Variants in KCNMB2 observed in about 807,000 individuals in gnomAD.
KCNMB2 encodes potassium calcium-activated channel subfamily M regulatory beta subunit 2.
KCNMB2 carries 9 observed loss-of-function variants against 24.5 expected under a neutral mutation model. That is an observed-to-expected ratio of 0.37 (90% CI 0.22 to 0.64). KCNMB2 has a LOEUF of 0.64. KCNMB2 is among the 30% of genes least tolerant of loss of function. The pLI is 0.63. For synonymous variants in KCNMB2, 109 were observed against 104.4 expected (o/e 1.04, Z -0.27); for missense variants, 226 against 284.3 (o/e 0.79, Z 1.47).
At chr3:178,617,756 T>C (rs968878727) in intron 1 of KCNMB2, among the ~76,000 whole-genome samples, 58 of 151,662 alleles carry the variant, frequency 3.8e-4, no homozygotes, top group African/African-American at 1.4e-3. Context: ...CTGAGTGTGG[T>C]GGTGGGTACC....
At chr3:178,544,381 T>C (rs917986835) in intron 1 of KCNMB2, among the ~76,000 whole-genome samples, 1 of 152,116 alleles carries the variant, frequency 6.6e-6, no homozygotes, top group Non-Finnish European at 1.5e-5. Context: ...CCTATTTTTC[T>C]AAAGCACATG....
chr3:178,723,830 C>A (rs766888481), intron 1 of KCNMB2, among the ~76,000 whole-genome samples: 2 of 152,100 alleles, frequency 1.3e-5, no homozygotes, highest in African/African-American at 2.4e-5. Flanking sequence ...TCATTCTTTT[C>A]ATGGTTGCAT....
intron 1 of KCNMB2, among the ~76,000 whole-genome samples, chr3:178,703,514 C>G (rs183813329): frequency 4.1e-4 from 55 of 133,314 alleles, no homozygotes; most frequent in African/African-American, 1.7e-3. Context: ...CACCCACCCC[C>G]CCAAAAAAAG....
At chr3:178,684,507 A>C (rs1359679721) in intron 1 of KCNMB2, among the ~76,000 whole-genome samples, 1 of 152,130 alleles carries the variant, frequency 6.6e-6, no homozygotes, top group African/African-American at 2.4e-5. Flanking sequence ...AAAAACAAAA[A>C]CAAAAAAAAT....
intron 1 of KCNMB2, among the ~76,000 whole-genome samples, chr3:178,560,460 C>A (rs866609637): frequency 3.3e-5 from 5 of 152,230 alleles, no homozygotes; most frequent in African/African-American, 1.2e-4. Flanking sequence ...GAAGCGATTG[C>A]TATTCCCAAC....
At chr3:178,838,479 GATAA>G (rs1031764934) in intron 4 of KCNMB2, among the ~76,000 whole-genome samples, 29 of 151,114 alleles carry the variant, frequency 1.9e-4, no homozygotes, top group Non-Finnish European at 3.5e-4. Flanking sequence ...CGTGGTTTAC[GATAA>G]ATGCCAGCAT....
intron 1 of KCNMB2, among the ~76,000 whole-genome samples, chr3:178,679,022 G>GT (rs374461400): frequency 0.011 from 1,602 of 146,576 alleles, 26 homozygotes; most frequent in African/African-American, 0.034. Context: ...TCATTTATCA[G>GT]TTTTTTTTTG....
chr3:178,809,931 G>A (rs565666536), intron 2 of KCNMB2, among the ~76,000 whole-genome samples: 4 of 152,002 alleles, frequency 2.6e-5, no homozygotes, highest in Non-Finnish European at 5.9e-5. Context: ...AGTCTGCATG[G>A]CCAAAAAATA....
rs552669362 is a variant in KCNMB2 at position 178,680,348 on chromosome 3, T to C, written c.-67-126995T>C. ...CGGCTAGAAGCACACTTTTTCCATG[T>C]GCTCCAGCTACACTTACAGCTTCTA... On this transcript the variant is annotated intron_variant, in intron 1 of 4. Coordinates refer to ENST00000452583, the MANE Select transcript of KCNMB2 (RefSeq NM_181361.3). Among the ~76,000 whole-genome samples the C allele has an allele frequency of 3.9e-5, 6 of 152,300 alleles. No homozygotes were observed. In the East Asian group the frequency reaches 1.2e-3, roughly 29 times the overall value.
intron 1 of KCNMB2, among the ~76,000 whole-genome samples, chr3:178,625,472 T>C (rs1190234503): frequency 6.6e-6 from 1 of 151,986 alleles, no homozygotes; most frequent in Admixed American, 6.6e-5. Context: ...CACTTTGGGG[T>C]CAATGCCGGG....
intron 1 of KCNMB2, among the ~76,000 whole-genome samples, chr3:178,714,822 T>C (rs1402921664): frequency 6.6e-6 from 1 of 151,188 alleles, no homozygotes; most frequent in Non-Finnish European, 1.5e-5. Flanking sequence ...CCCACTTTCT[T>C]AGACTTTGAG....
At chr3:178,694,099 C>A (rs901221037) in intron 1 of KCNMB2, among the ~76,000 whole-genome samples, 1 of 152,000 alleles carries the variant, frequency 6.6e-6, no homozygotes, top group African/African-American at 2.4e-5. Flanking sequence ...GCTGGGGAGG[C>A]CTCACGAAAC....
chr3:178,572,037 A>C (rs1361611332), intron 1 of KCNMB2, among the ~76,000 whole-genome samples: 1 of 152,198 alleles, frequency 6.6e-6, no homozygotes, highest in Non-Finnish European at 1.5e-5. Context: ...ATTACTGTAC[A>C]AGTGTAAGAT....
intron 1 of KCNMB2, among the ~76,000 whole-genome samples, chr3:178,653,919 A>T (rs975920428): frequency 6.6e-6 from 1 of 152,150 alleles, no homozygotes. Flanking sequence ...GAAATGAGTT[A>T]GAAAATCTTC....
chr3:178,710,222 C>G (rs1015587402), intron 1 of KCNMB2, among the ~76,000 whole-genome samples: 1 of 152,138 alleles, frequency 6.6e-6, no homozygotes, highest in Non-Finnish European at 1.5e-5. Context: ...ATGGCACCCT[C>G]AAGCCACTGG....
intron 1 of KCNMB2, among the ~76,000 whole-genome samples, chr3:178,626,250 G>T (rs1719113688): frequency 6.6e-6 from 1 of 152,200 alleles, no homozygotes; most frequent in African/African-American, 2.4e-5. Context: ...TTAACTGTCA[G>T]ACCCATGCAA....
rs182701922 is a variant in KCNMB2, at chr3:178,557,378, G to A, written c.-68+20667G>A. On this transcript the variant is annotated intron_variant, in intron 1 of 4. Transcript: ENST00000452583. ...AGTAAGAAAAGGATGAATTAAGAGC[G>A]GAAACATTTAGAAAGACTTTGAAAG... Among the ~76,000 whole-genome samples the A allele has an allele frequency of 2.0e-3, 311 of 152,226 alleles. 1 individual carries two copies. The highest frequency in any genetic ancestry group is 3.6e-3 in the Non-Finnish European group (243 of 68,018).
At chr3:178,724,491 GA>G (rs1271150436) in intron 1 of KCNMB2, among the ~76,000 whole-genome samples, 1 of 152,042 alleles carries the variant, frequency 6.6e-6, no homozygotes, top group African/African-American at 2.4e-5. Context: ...TTGTTGTACA[GA>G]AGCTCTTTAG....
intron 4 of KCNMB2, among the ~76,000 whole-genome samples, chr3:178,839,120 G>GA (rs1715337320): frequency 6.6e-6 from 1 of 151,590 alleles, no homozygotes; most frequent in South Asian, 2.1e-4. Context: ...TACCAATAGA[G>GA]AAGAGAGTTA....
Sources: gnomAD v4.1 joint callset for allele counts (sites outside exome capture counted in the v4.1 genomes callset) on GRCh38, gnomAD v4.1.1 for gene constraint, MANE v1.5 for transcripts, NCBI Gene and HGNC (gene_info 2026-07-23, HGNC 2026-07-21) for gene names.